USP54: variants seen among roughly 807,000 people sequenced by gnomAD.
USP54 encodes ubiquitin carboxyl-terminal hydrolase 54.
Under a neutral mutation model 170.5 loss-of-function variants are expected in USP54, and 87 were observed. The observed-to-expected ratio is 0.51, with a 90% CI of 0.43 to 0.61. The LOEUF is 0.61. USP54 is among the 20% of genes least tolerant of loss of function. The probability of loss-of-function intolerance (pLI) is 0.00; values close to 1 mark genes in which losing one functional copy is unlikely to be tolerated. For missense variants in USP54, 1,786 were observed against 2,047.8 expected (o/e 0.87, Z 2.47); for synonymous variants, 655 against 742.8 (o/e 0.88, Z 1.92).
upstream of USP54, among the ~76,000 whole-genome samples, chr10:73,594,137 C>G (rs2078524827): frequency 6.6e-6 from 1 of 151,746 alleles, no homozygotes; most frequent in African/African-American, 2.4e-5. Context: ...GTGACACGAT[C>G]TCGGTTCACT....
At chr10:73,557,774 G>T (rs914296925) in intron 4 of USP54, among the ~76,000 whole-genome samples, 2 of 150,984 alleles carry the variant, frequency 1.3e-5, no homozygotes, top group South Asian at 2.1e-4. Context: ...GCCTGAGGAA[G>T]TTTTATTCTC....
chr10:73,590,471 G>A (rs2078111345), intron 1 of USP54, among the ~76,000 whole-genome samples: 1 of 151,830 alleles, frequency 6.6e-6, no homozygotes, highest in Non-Finnish European at 1.5e-5. Context: ...AAATACCAAA[G>A]TATCAACCAT....
In USP54 at chr10:73,499,080, C is replaced by T. The variant is rs138931165; in HGVS notation, c.4604G>A (p.Arg1535His). The part of the protein sequence containing the change: ...RTLNYQSLPH[R>H]SRTDNSWAPW... ...TGCCCAGGAGTTGTCTGTTCTGGAG[C>T]GATGGGGGAGGCTCTGGTAGTTCAA... The change falls in exon 24 of 24, where the codon CGC becomes CAC. Residue 1535 changes from arginine (R) to histidine (H), a missense_variant. Transcript: ENST00000687698. 2.9e-4 allele frequency: 465 copies of T among 1,614,110 alleles called. No homozygotes were observed. The highest frequency in any genetic ancestry group is 3.7e-4 in the Non-Finnish European group (441 of 1,180,022).
intron 1 of USP54, among the ~76,000 whole-genome samples, chr10:73,622,851 G>C (rs551994784): frequency 2.4e-4 from 37 of 151,684 alleles, no homozygotes; most frequent in African/African-American, 8.2e-4. Flanking sequence ...TGAAAAGCAA[G>C]AGGATTCCTT....
chr10:73,535,617 T>C (rs898744346), intron 11 of USP54, among the ~76,000 whole-genome samples: 3 of 152,128 alleles, frequency 2.0e-5, no homozygotes, highest in African/African-American at 4.8e-5. Flanking sequence ...AAGCTGAAAA[T>C]TGTTTTTACA....
At chr10:73,544,529 T>C (rs1366083565) in intron 5 of USP54, among the ~76,000 whole-genome samples, 2 of 152,154 alleles carry the variant, frequency 1.3e-5, no homozygotes, top group African/African-American at 4.8e-5. Context: ...ATGTAATTGC[T>C]AGATCATACG....
At chr10:73,579,106 C>G (rs2076529680) in intron 1 of USP54, among the ~76,000 whole-genome samples, 1 of 150,726 alleles carries the variant, frequency 6.6e-6, no homozygotes, top group Admixed American at 6.6e-5. Context: ...GCTGGCATTA[C>G]AGGCATGCAC....
intron 10 of USP54, among the ~76,000 whole-genome samples, chr10:73,538,690 T>TA (rs1259252052): frequency 6.6e-6 from 1 of 151,956 alleles, no homozygotes; most frequent in Non-Finnish European, 1.5e-5. Flanking sequence ...CACACACCTA[T>TA]AGTCACAGCT....
At chr10:73,550,119 T>C (rs1213875884) in intron 4 of USP54, among the ~76,000 whole-genome samples, 1 of 152,208 alleles carries the variant, frequency 6.6e-6, no homozygotes, top group Non-Finnish European at 1.5e-5. Flanking sequence ...AGGCCGGGTT[T>C]TGCTATGTTG....
chr10:73,503,727 TTTTG>T (rs1347551343), intron 22 of USP54, among the ~76,000 whole-genome samples: 4 of 152,090 alleles, frequency 2.6e-5, no homozygotes, highest in Admixed American at 1.3e-4. Context: ...GGCTGGGTTT[TTTTG>T]TTTGTTTTGT....
At chr10:73,601,982 ACCAGAATCATG>A (rs1157385574) in intron 1 of USP54, among the ~76,000 whole-genome samples, 2 of 152,210 alleles carry the variant, frequency 1.3e-5, no homozygotes, top group East Asian at 3.9e-4. Flanking sequence ...GTCAGATCTT[ACCAGAATCATG>A]CCTTCTTTCA....
chr10:73,584,633 G>A (rs1325212751), intron 1 of USP54, among the ~76,000 whole-genome samples: 4 of 151,948 alleles, frequency 2.6e-5, no homozygotes, highest in Non-Finnish European at 5.9e-5. Flanking sequence ...TGAAATTATG[G>A]ATTTTTTTCC....
chr10:73,534,411 C>T (rs992121033), intron 12 of USP54, among the ~76,000 whole-genome samples, 189 bp downstream of exon 12: 30 of 152,020 alleles, frequency 2.0e-4, no homozygotes, highest in African/African-American at 6.3e-4. Context: ...GGAGTTTCAC[C>T]GTGTGTTAGC....
At position 73,517,073 on chromosome 10, in the gene USP54, T is replaced by G; in HGVS notation, c.3353A>C (p.Tyr1118Ser). 1 of 1,614,224 alleles carries G rather than the reference T, an allele frequency of 6.2e-7. No individual in the cohort carries two copies. The highest frequency in any genetic ancestry group is 8.5e-7 in the Non-Finnish European group (1 of 1,180,040). ...CTTTGTGCTGGGAAACTCTGGCCTA[T>G]AGGTCTCCTCACTGCCTCTGTCCAC... is the stretch of plus-strand genomic sequence containing the variant. ...LKVDRGSEETYRPEFPSTKGL... is the reference protein window; with the variant it reads ...LKVDRGSEETSRPEFPSTKGL... The change falls in exon 20 of 24, where the codon TAT (tyrosine) becomes TCT (serine). Residue 1118 changes from tyrosine to serine, a missense_variant. By Grantham distance (144) the Tyr-to-Ser change is moderately radical. Transcript: ENST00000687698.
chr10:73,545,428 T>C (rs955214422), intron 5 of USP54, 110 bp downstream of exon 5: 17 of 1,388,918 alleles, frequency 1.2e-5, no homozygotes, highest in Non-Finnish European at 1.7e-5. Context: ...CTCCTAGTTC[T>C]AACTGTAGAG....
At chr10:73,567,676 GA>G (rs1343707962) in intron 4 of USP54, among the ~76,000 whole-genome samples, 1 of 151,820 alleles carries the variant, frequency 6.6e-6, no homozygotes, top group Non-Finnish European at 1.5e-5. Context: ...CCATCTCAAA[GA>G]AAAAAAGAAA....
At chr10:73,588,346 C>T (rs1241030280) in intron 1 of USP54, among the ~76,000 whole-genome samples, 2 of 152,156 alleles carry the variant, frequency 1.3e-5, no homozygotes, top group Non-Finnish European at 2.9e-5. Context: ...CAGCCTCCAT[C>T]CATAGTGGCT....
intron 20 of USP54, among the ~76,000 whole-genome samples, chr10:73,511,993 G>A (rs886862593): frequency 6.6e-6 from 1 of 151,938 alleles, no homozygotes; most frequent in African/African-American, 2.4e-5. Flanking sequence ...TGATCCACCC[G>A]ACTCAGCCTC....
chr10:73,535,128 T>C (rs542245134), intron 11 of USP54, among the ~76,000 whole-genome samples: 3 of 152,334 alleles, frequency 2.0e-5, no homozygotes, highest in South Asian at 2.1e-4. Flanking sequence ...CTGTCATACA[T>C]AGTCAGTTGT....
Sources: gnomAD v4.1 joint callset for allele counts (sites outside exome capture counted in the v4.1 genomes callset) on GRCh38, gnomAD v4.1.1 for gene constraint, MANE v1.5 for transcripts, NCBI Gene and HGNC (gene_info 2026-07-23, HGNC 2026-07-21) for gene names.